Variants in MTUS1 observed in about 807,000 individuals in gnomAD.
The protein encoded by MTUS1 is microtubule-associated tumor suppressor 1.
Under a neutral mutation model 120.8 loss-of-function variants are expected in MTUS1, and 109 were observed. The observed-to-expected ratio is 0.90, with a 90% CI of 0.77 to 1.06. The LOEUF is 1.06. Ranked by LOEUF, MTUS1 falls within the 50% of genes least tolerant of loss-of-function variation. MTUS1 has a pLI of 0.00. For missense variants in MTUS1, 2,210 were observed against 1,486.3 expected (o/e 1.49, Z -8.01); for synonymous variants, 737 against 550.5 (o/e 1.34, Z -4.74).
At chr8:17,716,430 TTA>T (rs907440903) in intron 4 of MTUS1, 2 of 152,438 alleles carry the variant, frequency 1.3e-5, no homozygotes, top group African/African-American at 4.8e-5. Flanking sequence ...AAAGTAAACT[TTA>T]TGTTTTAGCT....
Position 17,644,839 on chromosome 8 carries a change from C to T in MTUS1, c.*1087G>A, listed in dbSNP as rs1049441398. 2.0e-5 allele frequency: 3 copies of T among 152,080 alleles called. No individual in the cohort carries two copies. Among genetic ancestry groups the T allele is most frequent in the African/African-American group, 7.2e-5 (3 of 41,386 alleles). 9.4% of individuals were successfully genotyped at this position (152,080 alleles called of 1,614,324 possible). A position where few individuals can be genotyped will look rare whatever the true frequency, so the allele number is the denominator to read the frequency against. On this transcript the variant is annotated 3_prime_UTR_variant, in exon 15 of 15. Transcript: ENST00000693296. ...TTTCAGCACCTGGAAGATGAGCTGG[C>T]TCTGGGGCTCTGGAAAATCATATTC...
chr8:17,795,551 G>C (rs185430272), intron 1 of MTUS1, among the ~76,000 whole-genome samples: 3 of 151,412 alleles, frequency 2.0e-5, no homozygotes, highest in Admixed American at 2.0e-4. Flanking sequence ...TTCACACTGT[G>C]TCCTAGCAAT....
intron 1 of MTUS1, among the ~76,000 whole-genome samples, chr8:17,797,147 C>T (rs1393715824): frequency 6.6e-6 from 1 of 152,108 alleles, no homozygotes; most frequent in East Asian, 1.9e-4. Context: ...GGCGGTGGCT[C>T]ATGCCTCTAA....
chr8:17,674,482 T>C (rs1433883842), intron 8 of MTUS1: 1 of 985,070 alleles, frequency 1.0e-6, no homozygotes, highest in Non-Finnish European at 1.2e-6. Context: ...GTGTCGTGTC[T>C]GTTCCATGAA....
Position 17,656,557 on chromosome 8 carries a change from C to A in MTUS1, c.2906-492G>T, listed in dbSNP as rs550085424. 9.0e-5 allele frequency among the ~76,000 whole-genome samples: 12 copies of A among 133,682 alleles called. 1 individual carries two copies. Among genetic ancestry groups the A allele is most frequent in the Admixed American group, 6.3e-4 (8 of 12,644 alleles). The allele number at this position is 133,682 out of a possible 152,430, so 87.7% of individuals were successfully genotyped here. ...ACAAACAAACAAAACCCCCCCCCAC[C>A]CCACATTCAAAAAACTGACTCCCAA... On this transcript the variant is annotated intron_variant, in intron 8 of 14. Transcript: ENST00000693296.
At chr8:17,694,745 G>C (rs1430743794) in intron 6 of MTUS1, among the ~76,000 whole-genome samples, 1 of 152,122 alleles carries the variant, frequency 6.6e-6, no homozygotes, top group African/African-American at 2.4e-5. Context: ...AAAAGAAACA[G>C]ATAATTCATG....
intron 7 of MTUS1, among the ~76,000 whole-genome samples, chr8:17,680,464 C>CAAAAAAAAAAAAAAA (rs58490523): frequency 4.1e-5 from 1 of 24,310 alleles, no homozygotes; most frequent in Non-Finnish European, 8.6e-5. Context: ...GCCACTGTCG[C>CAAAAAAAAAAAAAAA]AAAAAAAAAA....
chr8:17,715,409 C>G (rs1822127238), intron 5 of MTUS1, among the ~76,000 whole-genome samples: 1 of 152,148 alleles, frequency 6.6e-6, no homozygotes, highest in South Asian at 2.1e-4. Context: ...CATGAAGACA[C>G]AAGTACAGTA....
At chr8:17,747,033 T>C (rs2047811297) in intron 2 of MTUS1, among the ~76,000 whole-genome samples, 1 of 152,220 alleles carries the variant, frequency 6.6e-6, no homozygotes, top group South Asian at 2.1e-4. Context: ...TTCTGGTCTC[T>C]CCAGCTTTCA....
chr8:17,705,359 T>C (rs988249008), intron 6 of MTUS1, among the ~76,000 whole-genome samples: 1 of 152,232 alleles, frequency 6.6e-6, no homozygotes, highest in African/African-American at 2.4e-5. Context: ...CCTGGAAAGA[T>C]CTTTTCTACT....
chr8:17,784,743 G>C (rs1430336495), intron 1 of MTUS1, among the ~76,000 whole-genome samples: 2 of 151,884 alleles, frequency 1.3e-5, no homozygotes, highest in African/African-American at 2.4e-5. Context: ...CACTCTGTCA[G>C]CTTCCTTATC....
chr8:17,769,136 G>A (rs1336788555), intron 1 of MTUS1, among the ~76,000 whole-genome samples: 4 of 151,920 alleles, frequency 2.6e-5, no homozygotes, highest in Non-Finnish European at 5.9e-5. Flanking sequence ...CAAAGCCTGC[G>A]GGAAGTATAA....
intron 2 of MTUS1, chr8:17,748,238 T>G (rs2047918564): frequency 6.6e-6 from 1 of 152,284 alleles, no homozygotes; most frequent in Non-Finnish European, 1.5e-5. Flanking sequence ...GAGAGATGGC[T>G]TAGCTTTGGA....
Position 17,768,966 on chromosome 8 carries a change from C to T in MTUS1, c.-154-13005G>A, listed in dbSNP as rs138176517. Among the ~76,000 whole-genome samples the T allele has an allele frequency of 9.2e-4, 140 of 152,076 alleles. 1 individual carries two copies. The highest frequency in any genetic ancestry group is 3.3e-3 in the African/African-American group (136 of 41,482). On this transcript the variant is annotated intron_variant, in intron 1 of 14. Coordinates refer to ENST00000693296, the MANE Select transcript of MTUS1 (RefSeq NM_001363059.2). ...TTAATATGGTTACAATTTAAATGGG[C>T]ATTGGAGTGGAAAACTGACTTACTC... is the stretch of plus-strand genomic sequence containing the variant.
In MTUS1 at chr8:17,664,475, T is replaced by C. The variant is rs188131683; in HGVS notation, c.2906-8410A>G. Among the ~76,000 whole-genome samples, 656 of 114,806 alleles carry C rather than the reference T, an allele frequency of 5.7e-3. 6 individuals are homozygous for C. The highest frequency in any genetic ancestry group is 0.026 in the Middle Eastern group (7 of 274). The allele number at this position is 114,806 out of a possible 152,430, so 75.3% of individuals were successfully genotyped here. On this transcript the variant is annotated intron_variant, in intron 8 of 14. Coordinates refer to ENST00000693296, the MANE Select transcript of MTUS1 (RefSeq NM_001363059.2). The stretch of plus-strand genomic sequence containing the variant: ...CCCCCACCCCACCCCGAAATCCCCC[T>C]CTCTGCACCATCTAGGATGGAGAAG...
At chr8:17,734,220 T>C (rs927280658) in intron 3 of MTUS1, 1 of 152,168 alleles carries the variant, frequency 6.6e-6, no homozygotes, top group African/African-American at 2.4e-5. Context: ...ACACGCTCTA[T>C]CTGTTAAGTA....
intron 3 of MTUS1, among the ~76,000 whole-genome samples, chr8:17,737,678 G>A (rs2047028601): frequency 6.6e-6 from 1 of 151,928 alleles, no homozygotes; most frequent in Non-Finnish European, 1.5e-5. Context: ...GTAAAGACAG[G>A]GTCTCACTCT....
At chr8:17,691,740 T>C (rs886720712) in intron 6 of MTUS1, among the ~76,000 whole-genome samples, 4 of 152,230 alleles carry the variant, frequency 2.6e-5, no homozygotes, top group Non-Finnish European at 4.4e-5. Flanking sequence ...TATGGCTTCA[T>C]TGACGTCTAC....
chr8:17,727,140 G>A lies in MTUS1; in HGVS notation c.2288-3307C>T, dbSNP rs113008395. 9.8e-3 allele frequency among the ~76,000 whole-genome samples: 1,489 copies of A among 152,242 alleles called. 12 individuals are homozygous for A. Among genetic ancestry groups the A allele is most frequent in the Non-Finnish European group, 0.015 (1,015 of 68,014 alleles). ...CTAATGGCAGCCAGTCCTCACCAAA[G>A]TCTTCCCAATTCCACCATGGCTCTT... On this transcript the variant is annotated intron_variant, in intron 3 of 14. Transcript: ENST00000693296.
Sources: allele counts gnomAD v4.1 joint callset (sites outside exome capture counted in the v4.1 genomes callset), GRCh38; gene constraint gnomAD v4.1.1; transcripts MANE v1.5; gene names NCBI Gene and HGNC (gene_info 2026-07-23, HGNC 2026-07-21).